Variants in ARHGAP24 observed in about 807,000 individuals in gnomAD.
ARHGAP24 encodes the protein rho GTPase-activating protein 24.
In ARHGAP24, 50 loss-of-function variants were observed where a neutral mutation model predicts 76.4. The observed-to-expected ratio is 0.65, with a 90% confidence interval of 0.52 to 0.83. The LOEUF is 0.83. ARHGAP24 is among the 40% of genes least tolerant of loss of function. The pLI is 0.00. For missense variants in ARHGAP24, 930 were observed against 914.2 expected (o/e 1.02, Z -0.22); for synonymous variants, 345 against 323.3 (o/e 1.07, Z -0.72).
chr4:85,895,000 G>GAAAAAAAAAAAA (rs1560701790), intron 3 of ARHGAP24, among the ~76,000 whole-genome samples: 1 of 47,992 alleles, frequency 2.1e-5, no homozygotes, highest in African/African-American at 7.6e-5. Context: ...AAAACAAAAA[G>GAAAAAAAAAAAA]CAAAAAAAAA....
intron 2 of ARHGAP24, among the ~76,000 whole-genome samples, chr4:85,654,134 T>A (rs2109984185): frequency 6.6e-6 from 1 of 152,278 alleles, no homozygotes; most frequent in East Asian, 1.9e-4. Flanking sequence ...AGAAATTTAT[T>A]TCTCATAGTT....
chr4:85,921,971 A>G (rs1735745688), intron 3 of ARHGAP24, among the ~76,000 whole-genome samples: 1 of 152,182 alleles, frequency 6.6e-6, no homozygotes, highest in African/African-American at 2.4e-5. Context: ...CCTGGTACCA[A>G]AAAGGTTGGG....
intron 2 of ARHGAP24, among the ~76,000 whole-genome samples, chr4:85,665,899 G>T (rs1194494251): frequency 2.0e-5 from 3 of 152,154 alleles, no homozygotes; most frequent in African/African-American, 7.2e-5. Flanking sequence ...TTAGTCTGAT[G>T]GGCTTCCCTT....
intron 8 of ARHGAP24, among the ~76,000 whole-genome samples, chr4:85,980,608 A>G (rs1208749220): frequency 8.5e-5 from 13 of 152,164 alleles, no homozygotes; most frequent in African/African-American, 3.1e-4. Context: ...CCCATTATAC[A>G]CTATTCCCTC....
At chr4:85,776,714 CA>C (rs1727320527) in intron 3 of ARHGAP24, among the ~76,000 whole-genome samples, 1 of 152,140 alleles carries the variant, frequency 6.6e-6, no homozygotes, top group Non-Finnish European at 1.5e-5. Context: ...CTGTTCTAAA[CA>C]ATCTGTGACT....
At chr4:85,804,030 C>T (rs946284272) in intron 3 of ARHGAP24, among the ~76,000 whole-genome samples, 7 of 151,604 alleles carry the variant, frequency 4.6e-5, no homozygotes, top group South Asian at 2.1e-4. Context: ...TGGGTCACTG[C>T]ACCCTCCGCC....
At chr4:85,791,898 G>T (rs1728147469) in intron 3 of ARHGAP24, among the ~76,000 whole-genome samples, 1 of 152,206 alleles carries the variant, frequency 6.6e-6, no homozygotes, top group South Asian at 2.1e-4. Flanking sequence ...GTAGTGTCCA[G>T]TTGTGCATTG....
intron 3 of ARHGAP24, among the ~76,000 whole-genome samples, chr4:85,808,986 C>G (rs1288548616): frequency 6.6e-6 from 1 of 152,108 alleles, no homozygotes; most frequent in Admixed American, 6.6e-5. Flanking sequence ...GAATTGTTTA[C>G]ACAATTCCTC....
Position 86,000,632 on chromosome 4 carries a change from G to A in ARHGAP24, c.2157G>A (p.Gln719=). 1 of 1,614,064 alleles carries A rather than the reference G, an allele frequency of 6.2e-7. No homozygotes were observed. Reference sequence around the variant, plus strand: ...CCGAGAAAAGAAATGACATGCTACAGAAAGAAATGGAGCAGTTTTTTTCCA... The same window carrying A: ...CCGAGAAAAGAAATGACATGCTACAAAAAGAAATGGAGCAGTTTTTTTCCA... ...EDAEKRNDML[Q]KEMEQFFSTF... is the part of the protein sequence containing the mutation. Residue 719 remains glutamine (Q), a synonymous_variant, in exon 10 of 10, where the codon CAG becomes CAA. Transcript: ENST00000395184.
intron 3 of ARHGAP24, among the ~76,000 whole-genome samples, chr4:85,729,024 T>TA (rs1350568275): frequency 6.6e-6 from 1 of 152,244 alleles, no homozygotes; most frequent in Non-Finnish European, 1.5e-5. Context: ...CATTTAATTT[T>TA]ACAACACTCC....
At chr4:85,509,144 A>G (rs928446561) in intron 1 of ARHGAP24, among the ~76,000 whole-genome samples, 4 of 140,512 alleles carry the variant, frequency 2.8e-5, no homozygotes, top group African/African-American at 1.1e-4. Flanking sequence ...GAATTGAACA[A>G]TGAGAACACA....
At chr4:85,660,613 T>C (rs1394593311) in intron 2 of ARHGAP24, among the ~76,000 whole-genome samples, 1 of 151,696 alleles carries the variant, frequency 6.6e-6, no homozygotes, top group African/African-American at 2.4e-5. Flanking sequence ...CTGGACAACA[T>C]GGTGAAAGCC....
At chr4:85,577,760 G>A (rs1001441810) in intron 2 of ARHGAP24, among the ~76,000 whole-genome samples, 1 of 152,202 alleles carries the variant, frequency 6.6e-6, no homozygotes, top group African/African-American at 2.4e-5. Context: ...ACCACTTCAA[G>A]GTTCAGGGAG....
chr4:85,703,942 C>G (rs776977915), intron 2 of ARHGAP24, among the ~76,000 whole-genome samples: 1 of 152,188 alleles, frequency 6.6e-6, no homozygotes, highest in Non-Finnish European at 1.5e-5. Flanking sequence ...TCCGCTCCCC[C>G]ACCCTCAGCC....
chr4:85,616,540 G>C (rs941362025), intron 2 of ARHGAP24, among the ~76,000 whole-genome samples: 25 of 151,938 alleles, frequency 1.6e-4, no homozygotes, highest in African/African-American at 5.6e-4. Flanking sequence ...AAGTTACAGA[G>C]GTATTATTTG....
intron 2 of ARHGAP24, among the ~76,000 whole-genome samples, chr4:85,654,383 C>T (rs1722057087): frequency 6.6e-6 from 1 of 152,164 alleles, no homozygotes; most frequent in Admixed American, 6.5e-5. Flanking sequence ...AATATAGTCA[C>T]ATTGGGAGTT....
At chr4:85,649,539 T>G (rs1721856239) in intron 2 of ARHGAP24, among the ~76,000 whole-genome samples, 1 of 152,154 alleles carries the variant, frequency 6.6e-6, no homozygotes, top group Admixed American at 6.6e-5. Flanking sequence ...TATAAAGTAT[T>G]TGTTTGCCAC....
At chr4:85,932,118 T>C (rs1350556843) in intron 4 of ARHGAP24, among the ~76,000 whole-genome samples, 1 of 152,192 alleles carries the variant, frequency 6.6e-6, no homozygotes, top group East Asian at 1.9e-4. Context: ...TCATATATTA[T>C]CAGCAAGGAT....
At chr4:85,620,754 G>A (rs1720690746) in intron 2 of ARHGAP24, among the ~76,000 whole-genome samples, 1 of 151,580 alleles carries the variant, frequency 6.6e-6, no homozygotes, top group Non-Finnish European at 1.5e-5. Flanking sequence ...ACTTATTTGA[G>A]ATGTTTCTTC....
Sources: gnomAD v4.1 joint callset for allele counts (sites outside exome capture counted in the v4.1 genomes callset) on GRCh38, gnomAD v4.1.1 for gene constraint, MANE v1.5 for transcripts, NCBI Gene and HGNC (gene_info 2026-07-23, HGNC 2026-07-21) for gene names.